PARD3B: variants seen among roughly 807,000 people sequenced by gnomAD.
PARD3B encodes the protein partitioning defective 3 homolog B.
Under a neutral mutation model 130.2 loss-of-function variants are expected in PARD3B, and 103 were observed. The ratio of observed to expected loss-of-function variants is 0.79; its 90% CI spans 0.67 to 0.93. The LOEUF is 0.93. Ranked by LOEUF, PARD3B falls within the 40% of genes least tolerant of loss-of-function variation. PARD3B has a pLI of 0.00. For synonymous variants in PARD3B, 583 were observed against 553.2 expected, an observed-to-expected ratio of 1.05 and a Z score of -0.76; for missense variants, 1,609 against 1,499.2, an observed-to-expected ratio of 1.07 and a Z score of -1.21.
intron 3 of PARD3B, among the ~76,000 whole-genome samples, chr2:204,998,826 G>T (rs1440144409): frequency 2.0e-5 from 3 of 152,022 alleles, no homozygotes; most frequent in Admixed American, 1.3e-4. Context: ...TGATTCTCCT[G>T]CCTCAGCCTC....
chr2:205,361,862 T>C (rs2105881533), intron 18 of PARD3B, among the ~76,000 whole-genome samples: 1 of 152,264 alleles, frequency 6.6e-6, no homozygotes, highest in African/African-American at 2.4e-5. Flanking sequence ...TGGTTCCTTT[T>C]ATTTGCCTCT....
intron 18 of PARD3B, chr2:205,347,678 GAAAC>G (rs1168629078): frequency 6.6e-6 from 1 of 152,198 alleles, no homozygotes; most frequent in African/African-American, 2.4e-5. Flanking sequence ...AAGAATCTGA[GAAAC>G]AAACTGCAAG....
chr2:205,154,967 A>G (rs1349151845), intron 10 of PARD3B, among the ~76,000 whole-genome samples: 1 of 152,122 alleles, frequency 6.6e-6, no homozygotes, highest in Non-Finnish European at 1.5e-5. Context: ...TGGGTGCAGC[A>G]CACCAACATG....
At chr2:205,284,131 G>A (rs1181872305) in intron 16 of PARD3B, among the ~76,000 whole-genome samples, 3 of 152,174 alleles carry the variant, frequency 2.0e-5, no homozygotes, top group Non-Finnish European at 4.4e-5. Context: ...CATATAAACT[G>A]CACAAAGCGA....
chr2:205,528,071 G>A (rs2051415126), intron 21 of PARD3B, among the ~76,000 whole-genome samples: 1 of 152,144 alleles, frequency 6.6e-6, no homozygotes, highest in Non-Finnish European at 1.5e-5. Context: ...TGGTCTATGT[G>A]AGTGATCCAG....
chr2:205,304,226 T>G (rs925177363), intron 18 of PARD3B, among the ~76,000 whole-genome samples: 1 of 152,176 alleles, frequency 6.6e-6, no homozygotes, highest in African/African-American at 2.4e-5. Flanking sequence ...GCTCAAAATC[T>G]TGGGAGCGAT....
At chr2:205,374,553 T>C (rs1047186472) in intron 18 of PARD3B, among the ~76,000 whole-genome samples, 2 of 152,168 alleles carry the variant, frequency 1.3e-5, no homozygotes, top group Admixed American at 6.5e-5. Flanking sequence ...AATTTTTATA[T>C]ATTTCTTTCA....
chr2:205,303,196 G>A (rs1305749126), intron 18 of PARD3B, among the ~76,000 whole-genome samples: 2 of 152,192 alleles, frequency 1.3e-5, no homozygotes, highest in Non-Finnish European at 2.9e-5. Context: ...CTATGGTATG[G>A]TGGGAGGCAG....
At chr2:205,219,093 A>G (rs1197219839) in intron 15 of PARD3B, among the ~76,000 whole-genome samples, 4 of 151,600 alleles carry the variant, frequency 2.6e-5, no homozygotes, top group Non-Finnish European at 4.4e-5. Flanking sequence ...AAAAAAAAAA[A>G]TGCTGCCTGT....
chr2:204,590,109 G>A (rs971404396), intron 1 of PARD3B, among the ~76,000 whole-genome samples: 1 of 152,160 alleles, frequency 6.6e-6, no homozygotes, highest in African/African-American at 2.4e-5. Context: ...TCTGAAGGCT[G>A]AAAAGCTTAA....
chr2:204,682,185 T>C (rs1388371092), intron 1 of PARD3B, among the ~76,000 whole-genome samples: 4 of 152,134 alleles, frequency 2.6e-5, no homozygotes, highest in African/African-American at 4.8e-5. Context: ...GTACGTATGC[T>C]TATGTAGGGA....
At chr2:205,249,830 G>T (rs2039762033) in intron 16 of PARD3B, among the ~76,000 whole-genome samples, 1 of 151,020 alleles carries the variant, frequency 6.6e-6, no homozygotes, top group South Asian at 2.1e-4. Flanking sequence ...GTTCCTTGAA[G>T]AAAAATCACA....
chr2:204,844,949 C>G (rs956474452), intron 2 of PARD3B, among the ~76,000 whole-genome samples: 1 of 152,070 alleles, frequency 6.6e-6, no homozygotes, highest in African/African-American at 2.4e-5. Context: ...TCTCCTCCCC[C>G]ACTGGGCCAC....
chr2:205,405,266 G>A lies in PARD3B; in HGVS notation c.2741+4143G>A, dbSNP rs1463144862. Among the ~76,000 whole-genome samples the A allele has an allele frequency of 3.3e-5, 5 of 152,066 alleles. No individual in the cohort carries two copies. Among genetic ancestry groups the A allele is most frequent in the Non-Finnish European group, 7.3e-5 (5 of 68,032 alleles). ...GAGATATTTTTGATTGTCATAACTC[G>A]GGAAGAGGGGTGAGCAGTTACTGCC... On this transcript the variant is annotated intron_variant, in intron 19 of 22. Coordinates refer to ENST00000406610, the MANE Select transcript of PARD3B (RefSeq NM_001302769.2). This position sits in a 1 kb window ranked among gnomAD's most constrained non-coding sequence, Gnocchi z 4.1.
At position 205,481,994 on chromosome 2, in the gene PARD3B, CT is replaced by C. The variant is rs556072238; in HGVS notation, c.3045-17901del. ...GCAAGGGTGAGCATGGCTTTTGGAG[CT>C]CCCATGAGATGTTGCAGCTAGAGAG... On this transcript the variant is annotated intron_variant, in intron 20 of 22. Coordinates refer to ENST00000406610, the MANE Select transcript of PARD3B (RefSeq NM_001302769.2). Among the ~76,000 whole-genome samples, 799 of 152,296 alleles carry C rather than the reference CT, an allele frequency of 5.2e-3. 5 individuals are homozygous for C. Among genetic ancestry groups the C allele is most frequent in the Non-Finnish European group, 9.6e-3 (654 of 68,026 alleles).
chr2:204,688,008 T>TGGA (rs1229460294), intron 2 of PARD3B, among the ~76,000 whole-genome samples: 1 of 152,136 alleles, frequency 6.6e-6, no homozygotes, highest in Non-Finnish European at 1.5e-5. Flanking sequence ...AGCAATGCAG[T>TGGA]TTATAACCAT....
chr2:204,583,622 T>TAAAAAA (rs1183973275), intron 1 of PARD3B, among the ~76,000 whole-genome samples: 3 of 70,716 alleles, frequency 4.2e-5, no homozygotes, highest in Non-Finnish European at 6.0e-5. Flanking sequence ...ACTTAAAGTA[T>TAAAAAA]AAAAAAAAAA....
At chr2:205,193,552 C>T (rs1192108095) in intron 15 of PARD3B, among the ~76,000 whole-genome samples, 1 of 152,202 alleles carries the variant, frequency 6.6e-6, no homozygotes. Flanking sequence ...GATCTATAAA[C>T]TATCCTCCCA....
At chr2:204,834,580 T>G (rs1457047227) in intron 2 of PARD3B, among the ~76,000 whole-genome samples, 1 of 152,136 alleles carries the variant, frequency 6.6e-6, no homozygotes, top group Non-Finnish European at 1.5e-5. Flanking sequence ...GATTTTAGAG[T>G]AGCATGTATA....
Sources: allele counts gnomAD v4.1 joint callset (sites outside exome capture counted in the v4.1 genomes callset), GRCh38; gene constraint gnomAD v4.1.1; non-coding constraint Gnocchi (gnomAD v3.1); transcripts MANE v1.5; gene names NCBI Gene and HGNC (gene_info 2026-07-23, HGNC 2026-07-21).